ARRB1: variants seen among roughly 807,000 people sequenced by gnomAD.
ARRB1 encodes arrestin beta 1, also known as beta-arrestin-1.
In ARRB1, 21 loss-of-function variants were observed where a neutral mutation model predicts 56.8. The ratio of observed to expected loss-of-function variants is 0.37; its 90% CI spans 0.26 to 0.53. The LOEUF is 0.53. ARRB1 is among the 20% of genes least tolerant of loss of function. The pLI, the probability that ARRB1 is intolerant of heterozygous loss-of-function variation, is 0.88. For missense variants in ARRB1, 424 were observed against 553.7 expected (o/e 0.77, Z 2.35); for synonymous variants, 210 against 218.6 (o/e 0.96, Z 0.35).
At position 75,264,716 on chromosome 11, in the gene ARRB1, C is replaced by G. The variant is rs1314172295; in HGVS notation, c.*1447G>C. ...TCTAATGTTCACAAATTCTTGGTGG[C>G]CAGAGCTAGGAAGGCCCATTGTGAT... On this transcript the variant is annotated 3_prime_UTR_variant, in exon 16 of 16. Transcript: ENST00000420843. 6.6e-6 allele frequency: 1 copy of G among 152,172 alleles called. No individual in the cohort carries two copies. Among genetic ancestry groups the G allele is most frequent in the African/African-American group, 2.4e-5 (1 of 41,426 alleles). The allele number at this position is 152,172 out of a possible 1,614,324, so 9.4% of individuals were successfully genotyped here.
Position 75,262,174 on chromosome 11 carries a change from A to G in ARRB1, c.*3989T>C, listed in dbSNP as rs1945806959. On this transcript the variant is annotated 3_prime_UTR_variant, in exon 16 of 16. Coordinates refer to ENST00000420843, the MANE Select transcript of ARRB1 (RefSeq NM_004041.5). ...AATTTCTATTTCTCCTTGCCCTTAG[A>G]TTTCTGCGGATGGGTGGTTTCAGCT... 1 of 152,120 alleles carries G rather than the reference A, an allele frequency of 6.6e-6. No homozygotes were observed. The highest frequency in any genetic ancestry group is 2.1e-4 in the South Asian group (1 of 4,828). The allele number at this position is 152,120 out of a possible 1,614,324, so 9.4% of individuals were successfully genotyped here.
intron 1 of ARRB1, chr11:75,306,595 A>C (rs1177548801): frequency 7.8e-7 from 1 of 1,289,416 alleles, no homozygotes; most frequent in African/African-American, 1.5e-5. Flanking sequence ...TGGAGTGAAG[A>C]GGCCAGCCCA....
chr11:75,328,639 T>C (rs532168584), intron 1 of ARRB1, among the ~76,000 whole-genome samples: 7 of 152,362 alleles, frequency 4.6e-5, no homozygotes, highest in Non-Finnish European at 8.8e-5. Flanking sequence ...TGCCAACTGC[T>C]GGCCACCTGG....
chr11:75,270,278 C>T (rs1306064599), intron 13 of ARRB1, among the ~76,000 whole-genome samples: 1 of 151,906 alleles, frequency 6.6e-6, no homozygotes, highest in South Asian at 2.1e-4. Flanking sequence ...CTCAGGAGTT[C>T]GAGACCAGCC....
chr11:75,269,305 C>G (rs1468503602), intron 13 of ARRB1: 3 of 442,938 alleles, frequency 6.8e-6, no homozygotes, highest in East Asian at 1.1e-4. Context: ...GGGACCCCCC[C>G]CCACCTCAAA....
At position 75,277,459 on chromosome 11, in the gene ARRB1, T is replaced by A; in HGVS notation, c.619-11A>T. On this transcript the variant is annotated splice_polypyrimidine_tract_variant and intron_variant, in intron 8 of 15. Transcript: ENST00000420843. ...TCCATGGTAATAGATCTGGGGGGCA[T>A]AAGAAGGGACGGGGTTGGCTGGGAG... 1 of 1,613,322 alleles carries A rather than the reference T, an allele frequency of 6.2e-7. No individual in the cohort carries two copies.
At chr11:75,293,775 A>G (rs1946662244) in intron 1 of ARRB1, among the ~76,000 whole-genome samples, 1 of 152,182 alleles carries the variant, frequency 6.6e-6, no homozygotes, top group Admixed American at 6.5e-5. Context: ...CAAAATTCTC[A>G]CGGGATGCAG....
intron 7 of ARRB1, among the ~76,000 whole-genome samples, chr11:75,278,999 GACT>G (rs1436606398): frequency 1.3e-5 from 2 of 152,208 alleles, no homozygotes; most frequent in African/African-American, 2.4e-5. Flanking sequence ...CTGAAACAGG[GACT>G]ACATTTTTCA....
In ARRB1 at chr11:75,338,451, T is replaced by G. The variant is rs76407232; in HGVS notation, c.20+13137A>C. The stretch of plus-strand genomic sequence containing the variant: ...TGGGGCTGCCCACAGGAAGGCATGG[T>G]TTTCTCTTCTCCAGGGAGCTCAGCA... On this transcript the variant is annotated intron_variant, in intron 1 of 15. Transcript: ENST00000420843. Among the ~76,000 whole-genome samples, 640 of 152,190 alleles carry G rather than the reference T, an allele frequency of 4.2e-3. 5 individuals are homozygous for G. Among genetic ancestry groups the G allele is most frequent in the African/African-American group, 0.015 (612 of 41,546 alleles).
chr11:75,281,750 T>C, intron 6 of ARRB1: 1 of 585,142 alleles, frequency 1.7e-6, no homozygotes, highest in Non-Finnish European at 3.0e-6. Flanking sequence ...TCCAGACCCA[T>C]CACTGAATGG....
intron 5 of ARRB1, among the ~76,000 whole-genome samples, chr11:75,282,578 G>A (rs1210455724): frequency 5.3e-5 from 8 of 152,194 alleles, no homozygotes; most frequent in Non-Finnish European, 1.2e-4. Context: ...GCTCCCCGAG[G>A]GCCTCCAGAG....
intron 1 of ARRB1, among the ~76,000 whole-genome samples, chr11:75,304,505 A>C (rs548085909): frequency 6.6e-6 from 1 of 152,266 alleles, no homozygotes; most frequent in African/African-American, 2.4e-5. Context: ...GTACAGGCTC[A>C]TAAGAGCCAA....
rs1002186905 is a variant in ARRB1, at chr11:75,289,882, G to A, written c.51+127C>T. On this transcript the variant is annotated intron_variant, in intron 2 of 15. Coordinates refer to ENST00000420843, the MANE Select transcript of ARRB1 (RefSeq NM_004041.5). The stretch of plus-strand genomic sequence containing the variant: ...AGAGCTGTGTCACCCCTAAGACGGG[G>A]AGCAGCACCTGCCCCCTCCCACAGA... 3.6e-6 allele frequency: 5 copies of A among 1,373,658 alleles called. No individual in the cohort carries two copies. In the African/African-American group the frequency reaches 7.2e-5, roughly 20 times the overall value. 85.1% of individuals were successfully genotyped at this position (1,373,658 alleles called of 1,614,324 possible).
chr11:75,346,144 A>G (rs1947763073), intron 1 of ARRB1, among the ~76,000 whole-genome samples: 1 of 151,936 alleles, frequency 6.6e-6, no homozygotes, highest in African/African-American at 2.4e-5. Flanking sequence ...ACCTTGGCCT[A>G]GGCTCTTTCT....
At chr11:75,267,090 T>C (rs1374308395) in intron 15 of ARRB1, among the ~76,000 whole-genome samples, 1 of 152,026 alleles carries the variant, frequency 6.6e-6, no homozygotes, top group East Asian at 1.9e-4. Flanking sequence ...ACCCCAGATT[T>C]CTCCTGGGGG....
intron 1 of ARRB1, 133 bp from the exon 2 acceptor site, chr11:75,290,172 G>T: frequency 2.9e-6 from 3 of 1,028,698 alleles, no homozygotes; most frequent in East Asian, 2.4e-5. Context: ...CTTGAGATCC[G>T]AACAGTGCCC....
chr11:75,316,967 G>A (rs1370672646), intron 1 of ARRB1, among the ~76,000 whole-genome samples: 1 of 152,140 alleles, frequency 6.6e-6, no homozygotes, highest in Non-Finnish European at 1.5e-5. Flanking sequence ...TCGGGAGACT[G>A]AGGCAGAAGA....
chr11:75,279,876 C>T (rs1946288361), intron 7 of ARRB1, among the ~76,000 whole-genome samples: 1 of 152,162 alleles, frequency 6.6e-6, no homozygotes, highest in East Asian at 1.9e-4. Context: ...CCATGTTGGC[C>T]AGGCTGGTCT....
intron 1 of ARRB1, among the ~76,000 whole-genome samples, chr11:75,305,092 A>T (rs189463095): frequency 7.1e-6 from 1 of 139,992 alleles, no homozygotes; most frequent in Non-Finnish European, 1.5e-5. Context: ...ATGCAGTGAC[A>T]TGATCTCGGC....
Sources: gnomAD v4.1 joint callset for allele counts (sites outside exome capture counted in the v4.1 genomes callset) on GRCh38, gnomAD v4.1.1 for gene constraint, MANE v1.5 for transcripts, NCBI Gene and HGNC (gene_info 2026-07-23, HGNC 2026-07-21) for gene names.